The following TLN2 variants were observed in gnomAD, a reference collection of about 807,000 sequenced individuals.
TLN2 encodes the protein talin 2.
A neutral mutation model predicts 294.7 loss-of-function variants in TLN2; 118 were observed. The observed-to-expected ratio is 0.40, with a 90% CI of 0.34 to 0.47. TLN2 has a LOEUF of 0.47. Among genes scored for constraint, TLN2 ranks in the 20% least tolerant of loss-of-function variants. The probability of loss-of-function intolerance (pLI) is 0.84; values close to 1 mark genes in which losing one functional copy is unlikely to be tolerated. For synonymous variants in TLN2, 1,431 were observed against 1,304.5 expected, an observed-to-expected ratio of 1.10 and a Z score of -2.09; for missense variants, 3,083 against 3,282.2, an observed-to-expected ratio of 0.94 and a Z score of 1.48.
intron 14 of TLN2, 40 bp from the exon 15 acceptor site, chr15:62,697,648 G>A (rs1256547752): frequency 1.9e-6 from 3 of 1,569,678 alleles, no homozygotes; most frequent in Admixed American, 3.6e-5. Flanking sequence ...ACTCCACATG[G>A]CTGGTGTTCT....
At chr15:62,702,661 C>G in intron 18 of TLN2, 105 bp from the exon 19 acceptor site, 1 of 1,148,458 alleles carries the variant, frequency 8.7e-7, no homozygotes, top group Non-Finnish European at 1.3e-6. Flanking sequence ...CACTGTCAGA[C>G]AAAGGGAGCA....
intron 1 of TLN2, among the ~76,000 whole-genome samples, chr15:62,500,376 C>T (rs2039244344): frequency 6.6e-6 from 1 of 152,128 alleles, no homozygotes; most frequent in Non-Finnish European, 1.5e-5. Context: ...TGCAGCAGGG[C>T]TTTCTGGCCC....
At chr15:62,785,841 T>C (rs1426627389) in intron 45 of TLN2, among the ~76,000 whole-genome samples, 1 of 149,112 alleles carries the variant, frequency 6.7e-6, no homozygotes, top group Non-Finnish European at 1.5e-5. Flanking sequence ...AACAAGCAGA[T>C]TTTTTTTTTA....
intron 3 of TLN2, among the ~76,000 whole-genome samples, chr15:62,642,648 G>A (rs4448887): frequency 0.046 from 7,022 of 151,562 alleles, 525 homozygotes; most frequent in African/African-American, 0.16. Flanking sequence ...GTTGCTATAT[G>A]TTCTAATCCT....
chr15:62,727,281 CGTGACATTTTTCTCCCA>C (rs2140933675), intron 28 of TLN2, 92 bp downstream of exon 28: 1 of 1,163,144 alleles, frequency 8.6e-7, no homozygotes, highest in East Asian at 2.5e-5. Flanking sequence ...TGACAATACA[CGTGACATTTTTCTCCCA>C]GCAGTTCACC....
chr15:62,728,394 A>C (rs1295772587), intron 28 of TLN2, among the ~76,000 whole-genome samples: 2 of 152,194 alleles, frequency 1.3e-5, no homozygotes, highest in East Asian at 3.8e-4. Flanking sequence ...GGTTGTTGCC[A>C]AAAGACACTG....
At chr15:62,430,684 C>T (rs1335643223) in intron 1 of TLN2, among the ~76,000 whole-genome samples, 1 of 152,064 alleles carries the variant, frequency 6.6e-6, no homozygotes, top group African/African-American at 2.4e-5. Flanking sequence ...TTTACTGGTA[C>T]CCTGCATTGT....
intron 1 of TLN2, among the ~76,000 whole-genome samples, chr15:62,526,198 C>T (rs769794343): frequency 1.3e-5 from 2 of 152,126 alleles, no homozygotes; most frequent in Non-Finnish European, 2.9e-5. Context: ...GGCGCAATCT[C>T]GGCTCACTGC....
Position 62,805,594 on chromosome 15 carries a change from T to C in TLN2, c.6478-6T>C, listed in dbSNP as rs996082578. 1 of 1,590,460 alleles carries C rather than the reference T, an allele frequency of 6.3e-7. No individual in the cohort carries two copies. Among genetic ancestry groups the C allele is most frequent in the African/African-American group, 1.3e-5 (1 of 74,372 alleles). ...TTTTTTTAACCTCTCTGTTTCTGAC[T>C]TCCAGGTGTTCCAGTCAAAAGACGT... On this transcript the variant is annotated splice_region_variant and splice_polypyrimidine_tract_variant and intron_variant, in intron 50 of 58. Coordinates refer to ENST00000636159, the MANE Select transcript of TLN2 (RefSeq NM_015059.3).
chr15:62,456,788 C>G (rs1368052800), intron 1 of TLN2, among the ~76,000 whole-genome samples: 1 of 152,158 alleles, frequency 6.6e-6, no homozygotes, highest in Non-Finnish European at 1.5e-5. Flanking sequence ...TTTCTGTTTC[C>G]TGGGGTTTAC....
At chr15:62,590,837 T>C (rs1326321773) in intron 2 of TLN2, among the ~76,000 whole-genome samples, 1 of 152,194 alleles carries the variant, frequency 6.6e-6, no homozygotes, top group Non-Finnish European at 1.5e-5. Context: ...GTTCTGTTCC[T>C]GACCAGCTGC....
intron 1 of TLN2, among the ~76,000 whole-genome samples, chr15:62,531,883 A>C (rs983937996): frequency 6.6e-6 from 1 of 152,138 alleles, no homozygotes; most frequent in African/African-American, 2.4e-5. Context: ...GCCTGTTTTT[A>C]GAGCCTCGGG....
intron 50 of TLN2, among the ~76,000 whole-genome samples, chr15:62,804,639 G>A (rs1038741272): frequency 2.6e-5 from 4 of 152,192 alleles, no homozygotes; most frequent in Admixed American, 1.3e-4. Flanking sequence ...TAGTGTGAAG[G>A]ACTCTACGTG....
chr15:62,516,027 A>C lies in TLN2; in HGVS notation c.-237-73660A>C, dbSNP rs1296804290. 2.6e-5 allele frequency among the ~76,000 whole-genome samples: 4 copies of C among 152,252 alleles called. No individual in the cohort carries two copies. The East Asian group carries it at 7.7e-4, about 29-fold the overall frequency. On this transcript the variant is annotated intron_variant, in intron 1 of 58. Transcript: ENST00000636159. ...ACTCGAAGGGAGCCAATCAAGTGTG[A>C]ATTTCAAAACTGAAGACATTTGATT... is the stretch of plus-strand genomic sequence containing the variant.
intron 1 of TLN2, among the ~76,000 whole-genome samples, chr15:62,539,737 G>C (rs1294299834): frequency 6.6e-6 from 1 of 152,068 alleles, no homozygotes; most frequent in African/African-American, 2.4e-5. Context: ...AGCACTCATT[G>C]GGAGAGATTT....
At chr15:62,700,733 A>C (rs1020034422) in intron 16 of TLN2, among the ~76,000 whole-genome samples, 18 of 152,230 alleles carry the variant, frequency 1.2e-4, no homozygotes, top group African/African-American at 9.6e-5. Flanking sequence ...AGCAAGGTGA[A>C]AATTAGCAAC....
chr15:62,758,225 A>G (rs1241502602), intron 37 of TLN2, among the ~76,000 whole-genome samples: 3 of 152,116 alleles, frequency 2.0e-5, no homozygotes, highest in African/African-American at 4.8e-5. Context: ...ACAGTGGCTC[A>G]TCGGCATCAG....
intron 45 of TLN2, among the ~76,000 whole-genome samples, chr15:62,787,352 G>A (rs1381799269): frequency 3.3e-5 from 5 of 152,120 alleles, no homozygotes; most frequent in African/African-American, 7.2e-5. Context: ...TGTGTTTGAG[G>A]CAGTGAGGAA....
At chr15:62,404,933 A>G (rs2033298183) in intron 1 of TLN2, among the ~76,000 whole-genome samples, 1 of 152,208 alleles carries the variant, frequency 6.6e-6, no homozygotes, top group Non-Finnish European at 1.5e-5. Context: ...CAGGACGTTT[A>G]GTACACCCAG....
Sources: allele counts gnomAD v4.1 joint callset (sites outside exome capture counted in the v4.1 genomes callset), GRCh38; gene constraint gnomAD v4.1.1; transcripts MANE v1.5; gene names NCBI Gene and HGNC (gene_info 2026-07-23, HGNC 2026-07-21).